The following TRPS1 variants were observed in gnomAD, a reference collection of about 807,000 sequenced individuals.
The protein encoded by TRPS1 is transcriptional repressor GATA binding 1.
TRPS1 carries 6 observed loss-of-function variants against 101.2 expected under a neutral mutation model. That is an observed-to-expected ratio of 0.06 (90% CI 0.03 to 0.12). TRPS1 has a LOEUF of 0.12. Ranked by LOEUF, TRPS1 falls within the 10% of genes least tolerant of loss-of-function variation. TRPS1 has a pLI of 1.00. For synonymous variants in TRPS1, 578 were observed against 589.8 expected (o/e 0.98, Z 0.29); for missense variants, 1,363 against 1,567.0 (o/e 0.87, Z 2.20).
Position 115,409,533 on chromosome 8 carries a change from C to T in TRPS1, c.*4490G>A, listed in dbSNP as rs1047727033. The T allele has an allele frequency of 6.6e-6, 1 of 151,994 alleles. No individual in the cohort carries two copies. Among genetic ancestry groups the T allele is most frequent in the Admixed American group, 6.6e-5 (1 of 15,222 alleles). The allele number at this position is 151,994 out of a possible 1,614,324, so 9.4% of individuals were successfully genotyped here. On this transcript the variant is annotated 3_prime_UTR_variant, in exon 7 of 7. Transcript: ENST00000395715. ...CATACTTGACATACTTCTGCCCTAG[C>T]ATATTCCAGAAGTTCTAATTACTGC...
At chr8:115,579,005 G>A (rs1272162554) in intron 5 of TRPS1, among the ~76,000 whole-genome samples, 3 of 152,024 alleles carry the variant, frequency 2.0e-5, no homozygotes, top group Admixed American at 6.6e-5. Context: ...GCCAGAGCTA[G>A]AATTTAATGT....
intron 1 of TRPS1, among the ~76,000 whole-genome samples, chr8:115,653,112 G>A (rs16887612): frequency 6.6e-6 from 1 of 152,112 alleles, no homozygotes; most frequent in Non-Finnish European, 1.5e-5. Flanking sequence ...AATGCCAAGA[G>A]TACATGGAAA....
At chr8:115,664,519 C>A (rs1042044411) in intron 1 of TRPS1, among the ~76,000 whole-genome samples, 1 of 152,016 alleles carries the variant, frequency 6.6e-6, no homozygotes, top group African/African-American at 2.4e-5. Context: ...CGCAAGTCTA[C>A]GTATGCTGTC....
chr8:115,566,208 A>G (rs1027236212), intron 5 of TRPS1, among the ~76,000 whole-genome samples: 17 of 152,198 alleles, frequency 1.1e-4, no homozygotes, highest in African/African-American at 4.1e-4. Context: ...TGCATGTATC[A>G]TAAAATTCTG....
At chr8:115,431,999 T>C (rs1234341974) in intron 5 of TRPS1, among the ~76,000 whole-genome samples, 2 of 151,838 alleles carry the variant, frequency 1.3e-5, no homozygotes, top group African/African-American at 4.8e-5. Context: ...TATACACATA[T>C]ATTCCTTAGC....
chr8:115,666,120 T>C (rs1309462264), intron 1 of TRPS1, among the ~76,000 whole-genome samples: 3 of 152,170 alleles, frequency 2.0e-5, no homozygotes, highest in Non-Finnish European at 4.4e-5. Context: ...ATCGTCAAAC[T>C]TTAGCATGTT....
chr8:115,639,318 C>A (rs1586484046), intron 1 of TRPS1, among the ~76,000 whole-genome samples: 1 of 152,292 alleles, frequency 6.6e-6, no homozygotes, highest in East Asian at 1.9e-4. Context: ...ATCCTGCCAC[C>A]TTGGCCTTCC....
In TRPS1 at chr8:115,414,310, C is replaced by T. The variant is rs370611674; in HGVS notation, c.3598G>A (p.Ala1200Thr). 6.2e-7 allele frequency: 1 copy of T among 1,613,784 alleles called. No individual in the cohort carries two copies. Among genetic ancestry groups the T allele is most frequent in the African/African-American group, 1.3e-5 (1 of 74,890 alleles). Reference sequence around the variant, plus strand: ...CCTTCATTTTTTACATTTGGTGGTGCCTTCGTTTTCTCCTTGGAGGCACCG... The same window carrying T: ...CCTTCATTTTTTACATTTGGTGGTGTCTTCGTTTTCTCCTTGGAGGCACCG... ...ANGASKEKTKAPPNVKNEGPL... is the reference protein window; with the variant it reads ...ANGASKEKTKTPPNVKNEGPL... Residue 1200 changes from alanine to threonine, a missense_variant, in exon 7 of 7, where the codon GCA (alanine) becomes ACA (threonine). Ala to Thr is a moderately conservative substitution (Grantham distance 58). This residue lies in a region of TRPS1 where 307 missense variants were observed against 392.4 expected (regional missense o/e 0.78). Transcript: ENST00000395715. The surrounding 1 kb of genome is among the most constrained non-coding windows in gnomAD (Gnocchi z 4.8).
chr8:115,529,632 C>G (rs1816082984), intron 5 of TRPS1, among the ~76,000 whole-genome samples: 1 of 152,086 alleles, frequency 6.6e-6, no homozygotes, highest in African/African-American at 2.4e-5. Flanking sequence ...ATTTTGCACC[C>G]CATTCATATG....
At chr8:115,625,164 T>C (rs988669307) in intron 1 of TRPS1, among the ~76,000 whole-genome samples, 1 of 151,928 alleles carries the variant, frequency 6.6e-6, no homozygotes, top group African/African-American at 2.4e-5. Flanking sequence ...GTAAATTCTA[T>C]AAATTCTATA....
intron 5 of TRPS1, among the ~76,000 whole-genome samples, chr8:115,571,741 A>C (rs2130397679): frequency 6.6e-6 from 1 of 152,254 alleles, no homozygotes; most frequent in African/African-American, 2.4e-5. Flanking sequence ...TTAGCGAATA[A>C]ATCAGAACAC....
intron 5 of TRPS1, among the ~76,000 whole-genome samples, chr8:115,533,925 C>T (rs1816214133): frequency 6.6e-6 from 1 of 152,108 alleles, no homozygotes; most frequent in Non-Finnish European, 1.5e-5. Context: ...CCCATCAGAC[C>T]AGGTCCCTTA....
Position 115,441,894 on chromosome 8 carries a change from A to AGT in TRPS1, c.2701-23443_2701-23442insAC, listed in dbSNP as rs746166025. Among the ~76,000 whole-genome samples the AGT allele has an allele frequency of 2.3e-3, 307 of 132,230 alleles. 2 individuals carry two copies. The highest frequency in any genetic ancestry group is 8.6e-3 in the Middle Eastern group (2 of 232). The allele number at this position is 132,230 out of a possible 152,430, so 86.7% of individuals were successfully genotyped here. Reference sequence around the variant, plus strand: ...GAGAGAGAGAGAGAGAGAGAGAGAGAGAGAGTGTGTGTGTGTGTGTGTGTG... The same window carrying AGT: ...GAGAGAGAGAGAGAGAGAGAGAGAGAGTGAGAGTGTGTGTGTGTGTGTGTGTG... On this transcript the variant is annotated intron_variant, in intron 5 of 6. Transcript: ENST00000395715.
rs1812968921 is a variant in TRPS1, at chr8:115,418,271, C to T, written c.2823+59G>A. ...CCAGGGAATGGGACTTATCACACCA[C>T]AGACCAGGCCAACACTGCTTTATAA... On this transcript the variant is annotated intron_variant, in intron 6 of 6. Coordinates refer to ENST00000395715, the MANE Select transcript of TRPS1 (RefSeq NM_014112.5). The surrounding 1 kb of genome is among the most constrained non-coding windows in gnomAD (Gnocchi z 4.3). 2 of 1,613,596 alleles carry T rather than the reference C, an allele frequency of 1.2e-6. No individual in the cohort carries two copies. Among genetic ancestry groups the T allele is most frequent in the Non-Finnish European group, 1.7e-6 (2 of 1,179,660 alleles).
At chr8:115,530,688 C>A (rs1816107214) in intron 5 of TRPS1, among the ~76,000 whole-genome samples, 1 of 152,104 alleles carries the variant, frequency 6.6e-6, no homozygotes, top group Admixed American at 6.6e-5. Context: ...CCCAAATGCC[C>A]ATCAATGACA....
chr8:115,478,849 ATGTATATATG>A (rs1354631741), intron 5 of TRPS1, among the ~76,000 whole-genome samples: 6 of 123,492 alleles, frequency 4.9e-5, no homozygotes, highest in African/African-American at 2.2e-4. Context: ...AAATGTATAT[ATGTATATATG>A]TGTATATATG....
At chr8:115,499,207 G>A (rs1349987882) in intron 5 of TRPS1, among the ~76,000 whole-genome samples, 1 of 152,122 alleles carries the variant, frequency 6.6e-6, no homozygotes, top group African/African-American at 2.4e-5. Flanking sequence ...TAAACTGCTT[G>A]TTAAAATTAT....
chr8:115,466,000 G>A (rs1317712078), intron 5 of TRPS1, among the ~76,000 whole-genome samples: 1 of 152,116 alleles, frequency 6.6e-6, no homozygotes, highest in African/African-American at 2.4e-5. Flanking sequence ...GTAGTAACAA[G>A]GTCACGGTAG....
intron 5 of TRPS1, among the ~76,000 whole-genome samples, chr8:115,457,855 TG>T: frequency 6.6e-6 from 1 of 152,192 alleles, no homozygotes; most frequent in Non-Finnish European, 1.5e-5. Context: ...GCAAGAAAGC[TG>T]GTATTAACTG....
Sources: allele counts gnomAD v4.1 joint callset (sites outside exome capture counted in the v4.1 genomes callset), GRCh38; gene constraint gnomAD v4.1.1; regional missense constraint gnomAD v4.1.1; non-coding constraint Gnocchi (gnomAD v3.1); transcripts MANE v1.5; gene names NCBI Gene and HGNC (gene_info 2026-07-23, HGNC 2026-07-21).